The following RBFOX1 variants were observed in gnomAD, a reference collection of about 807,000 sequenced individuals.
The protein encoded by RBFOX1 is RNA binding fox-1 homolog 1, also known as RNA binding protein fox-1 homolog 1.
RBFOX1 carries 8 observed loss-of-function variants against 57.7 expected under a neutral mutation model. That is an observed-to-expected ratio of 0.14 (90% CI 0.08 to 0.25). RBFOX1 has a LOEUF of 0.25. Ranked by LOEUF, RBFOX1 falls within the 10% of genes least tolerant of loss-of-function variation. RBFOX1 has a pLI of 1.00. For synonymous variants in RBFOX1, 326 were observed against 222.4 expected, an observed-to-expected ratio of 1.47 and a Z score of -4.15; for missense variants, 611 against 548.5, an observed-to-expected ratio of 1.11 and a Z score of -1.14.
chr16:7,515,955 C>T (rs896551904), intron 4 of RBFOX1, among the ~76,000 whole-genome samples: 7 of 152,136 alleles, frequency 4.6e-5, no homozygotes, highest in African/African-American at 1.7e-4. Flanking sequence ...AGTGGTTCTC[C>T]TGCCTCAGTC....
At chr16:7,247,049 G>A (rs1603444059) in intron 4 of RBFOX1, among the ~76,000 whole-genome samples, 1 of 152,258 alleles carries the variant, frequency 6.6e-6, no homozygotes, top group East Asian at 1.9e-4. Flanking sequence ...TTTAGTGCAT[G>A]TGTCTGTAGT....
At chr16:6,708,480 G>A (rs1431031145) in intron 3 of RBFOX1, among the ~76,000 whole-genome samples, 1 of 152,050 alleles carries the variant, frequency 6.6e-6, no homozygotes, top group East Asian at 1.9e-4. Context: ...GCCCAATGAG[G>A]GTCCTTTAAG....
At chr16:7,310,800 T>A (rs918941515) in intron 4 of RBFOX1, among the ~76,000 whole-genome samples, 1 of 152,230 alleles carries the variant, frequency 6.6e-6, no homozygotes, top group Non-Finnish European at 1.5e-5. Context: ...CCATTCCATG[T>A]TGATGGAACT....
chr16:5,926,305 G>C (rs376164439), intron 4 of RBFOX1, among the ~76,000 whole-genome samples: 1 of 152,198 alleles, frequency 6.6e-6, no homozygotes, highest in Non-Finnish European at 1.5e-5. Flanking sequence ...GAAATCCTAT[G>C]TGTAAAATTG....
intron 4 of RBFOX1, among the ~76,000 whole-genome samples, chr16:7,315,034 C>G (rs987809613): frequency 1.1e-4 from 17 of 151,640 alleles, no homozygotes; most frequent in African/African-American, 4.1e-4. Flanking sequence ...ATCATAACCT[C>G]ATATATTTTA....
At chr16:5,628,388 C>A (rs1205600616) in intron 3 of RBFOX1, among the ~76,000 whole-genome samples, 1 of 152,104 alleles carries the variant, frequency 6.6e-6, no homozygotes, top group Non-Finnish European at 1.5e-5. Context: ...GCACATTCTC[C>A]ATTGAAAGCT....
chr16:7,317,728 C>G (rs948085704), intron 4 of RBFOX1, among the ~76,000 whole-genome samples: 4 of 152,194 alleles, frequency 2.6e-5, no homozygotes, highest in African/African-American at 9.7e-5. Flanking sequence ...ACAGAACTGA[C>G]TTTGAGTCTG....
At chr16:7,012,050 C>G (rs2093678740) in intron 3 of RBFOX1, among the ~76,000 whole-genome samples, 1 of 152,030 alleles carries the variant, frequency 6.6e-6, no homozygotes, top group African/African-American at 2.4e-5. Context: ...ATCCAGACCT[C>G]CAAAATAATA....
intron 4 of RBFOX1, among the ~76,000 whole-genome samples, chr16:5,977,281 G>A (rs2060084323): frequency 6.6e-6 from 1 of 152,166 alleles, no homozygotes; most frequent in Admixed American, 6.5e-5. Context: ...GACCCTGGAG[G>A]AGGTGTGTAT....
chr16:6,990,231 A>T (rs1357428841), intron 3 of RBFOX1, among the ~76,000 whole-genome samples: 1 of 152,138 alleles, frequency 6.6e-6, no homozygotes, highest in African/African-American at 2.4e-5. Context: ...CATTTTAAAA[A>T]TTCTGATAGT....
chr16:6,147,079 G>C (rs892066442), intron 1 of RBFOX1, among the ~76,000 whole-genome samples: 1 of 152,124 alleles, frequency 6.6e-6, no homozygotes, highest in African/African-American at 2.4e-5. Context: ...TCAGGCCCCA[G>C]CTTCCACCCA....
chr16:6,649,521 A>G (rs2098559481), intron 2 of RBFOX1, among the ~76,000 whole-genome samples: 1 of 152,134 alleles, frequency 6.6e-6, no homozygotes, highest in African/African-American at 2.4e-5. Flanking sequence ...CCACTCCCCG[A>G]CACTTTCCCC....
intron 11 of RBFOX1, among the ~76,000 whole-genome samples, chr16:7,651,189 A>C (rs777207143): frequency 6.6e-6 from 1 of 152,244 alleles, no homozygotes; most frequent in African/African-American, 2.4e-5. Context: ...GGTAGAATCC[A>C]TAGAACAGGA....
intron 3 of RBFOX1, among the ~76,000 whole-genome samples, chr16:6,866,775 C>G (rs1367514429): frequency 1.3e-5 from 2 of 151,804 alleles, no homozygotes; most frequent in Non-Finnish European, 2.9e-5. Flanking sequence ...ATCTCCTGAC[C>G]TCGTGATCTG....
intron 1 of RBFOX1, among the ~76,000 whole-genome samples, chr16:5,330,201 A>G (rs754285628): frequency 6.6e-6 from 1 of 152,160 alleles, no homozygotes; most frequent in Non-Finnish European, 1.5e-5. Context: ...GGATATAAAC[A>G]TTAGTCCATT....
chr16:6,913,555 G>C (rs1291885848), intron 3 of RBFOX1, among the ~76,000 whole-genome samples: 1 of 152,090 alleles, frequency 6.6e-6, no homozygotes, highest in African/African-American at 2.4e-5. Context: ...TGGTGTTCAG[G>C]GTGTCTTTTG....
At chr16:6,881,952 A>G (rs1429045626) in intron 3 of RBFOX1, among the ~76,000 whole-genome samples, 1 of 152,220 alleles carries the variant, frequency 6.6e-6, no homozygotes, top group African/African-American at 2.4e-5. Context: ...TAGTGTAAAA[A>G]GAAGGGAACT....
At chr16:7,087,533 A>C (rs971778513) in intron 4 of RBFOX1, among the ~76,000 whole-genome samples, 1 of 149,152 alleles carries the variant, frequency 6.7e-6, no homozygotes, top group Non-Finnish European at 1.5e-5. Flanking sequence ...GAAGAAGGGC[A>C]AGAGTTAGGA....
intron 2 of RBFOX1, among the ~76,000 whole-genome samples, chr16:5,520,174 G>T (rs2043956483): frequency 6.6e-6 from 1 of 152,128 alleles, no homozygotes; most frequent in African/African-American, 2.4e-5. Context: ...ATTGTGGCTG[G>T]AGAGAGATGA....
Sources: allele counts gnomAD v4.1 joint callset (sites outside exome capture counted in the v4.1 genomes callset), GRCh38; gene constraint gnomAD v4.1.1; transcripts MANE v1.5; gene names NCBI Gene and HGNC (gene_info 2026-07-23, HGNC 2026-07-21).